PFKP: variants seen among roughly 807,000 people sequenced by gnomAD.
PFKP encodes the protein ATP-dependent 6-phosphofructokinase, platelet type.
PFKP carries 101 observed loss-of-function variants against 94.3 expected under a neutral mutation model. The observed-to-expected ratio is 1.07, with a 90% confidence interval of 0.91 to 1.26. The LOEUF is 1.26. PFKP is among the 50% of genes most tolerant of loss of function. PFKP has a pLI of 0.00. For synonymous variants in PFKP, 573 were observed against 432.6 expected (o/e 1.32, Z -4.03); for missense variants, 1,145 against 1,103.3 (o/e 1.04, Z -0.53).
At chr10:3,130,433 G>C (rs1042455960) in intron 17 of PFKP, among the ~76,000 whole-genome samples, 1 of 152,172 alleles carries the variant, frequency 6.6e-6, no homozygotes, top group East Asian at 1.9e-4. Context: ...TTTTAGGGAA[G>C]GGTGTCGCTG....
At chr10:3,104,843 A>G in intron 5 of PFKP, 2 of 535,632 alleles carry the variant, frequency 3.7e-6, no homozygotes, top group Non-Finnish European at 6.6e-6. Context: ...GTCCTGGCAC[A>G]GGCAGGCAGA....
At chr10:3,106,649 C>A in intron 7 of PFKP, among the ~76,000 whole-genome samples, 1 of 53,470 alleles carries the variant, frequency 1.9e-5, no homozygotes, top group Non-Finnish European at 4.2e-5. Context: ...CTCTCCTCAC[C>A]CCTGCCCCTC....
chr10:3,128,249 C>G (rs1040597182), intron 16 of PFKP, among the ~76,000 whole-genome samples: 2 of 152,174 alleles, frequency 1.3e-5, no homozygotes, highest in African/African-American at 2.4e-5. Context: ...GAATTTGCAG[C>G]CTAGTGAGGA....
At chr10:3,090,401 A>T (rs1833950666) in intron 2 of PFKP, among the ~76,000 whole-genome samples, 1 of 152,194 alleles carries the variant, frequency 6.6e-6, no homozygotes, top group African/African-American at 2.4e-5. Context: ...GACTTGGAAA[A>T]GTCTGAGACT....
At chr10:3,116,738 G>A (rs773154940) in intron 13 of PFKP, 38 bp from the exon 14 acceptor site, 17 of 1,522,538 alleles carry the variant, frequency 1.1e-5, no homozygotes, top group Middle Eastern at 1.7e-4. Context: ...GCCTTTCATT[G>A]TTCACTTTAG....
intron 2 of PFKP, among the ~76,000 whole-genome samples, chr10:3,085,891 G>A (rs919207946): frequency 1.2e-4 from 9 of 76,192 alleles, no homozygotes; most frequent in East Asian, 4.3e-4. Context: ...CAGAAGTGGC[G>A]GTCACCTGCA....
intron 17 of PFKP, among the ~76,000 whole-genome samples, 182 bp from the exon 18 acceptor site, chr10:3,132,198 C>T (rs190974984): frequency 1.1e-4 from 17 of 152,312 alleles, no homozygotes; most frequent in East Asian, 3.9e-4. Flanking sequence ...CAGCGTTCAT[C>T]GCTGCAGACG....
intron 1 of PFKP, among the ~76,000 whole-genome samples, chr10:3,073,827 T>G (rs11251695): frequency 0.2 from 30,753 of 150,930 alleles, 3,295 homozygotes; most frequent in East Asian, 0.31. Context: ...GTGTGTGTGT[T>G]TTTTTTGTTT....
chr10:3,095,837 G>A (rs1834436310), intron 2 of PFKP, among the ~76,000 whole-genome samples: 2 of 152,190 alleles, frequency 1.3e-5, no homozygotes, highest in East Asian at 3.8e-4. Context: ...CTTTTCACAT[G>A]TTCCATGGGC....
intron 2 of PFKP, among the ~76,000 whole-genome samples, chr10:3,093,993 ATTC>A (rs1209969879): frequency 1.3e-5 from 2 of 152,310 alleles, no homozygotes; most frequent in South Asian, 2.1e-4. Context: ...CCCATGCTGA[ATTC>A]TTCATGTATG....
intron 2 of PFKP, among the ~76,000 whole-genome samples, chr10:3,097,597 G>A (rs566810100): frequency 3.3e-5 from 5 of 152,302 alleles, no homozygotes; most frequent in African/African-American, 4.8e-5. Context: ...GGGGGGTCTC[G>A]GGAGGTGCAG....
chr10:3,115,390 C>T (rs1244738337), intron 13 of PFKP, among the ~76,000 whole-genome samples: 1 of 82,614 alleles, frequency 1.2e-5, no homozygotes, highest in African/African-American at 3.4e-5. Flanking sequence ...GAGAACAGGA[C>T]TGGGGATGCC....
chr10:3,105,530 C>A, intron 7 of PFKP, 29 bp downstream of exon 7: 2 of 1,459,154 alleles, frequency 1.4e-6, no homozygotes, highest in Non-Finnish European at 1.9e-6. Context: ...CCGTTGATAG[C>A]GGGCGATGCT....
At chr10:3,124,666 C>T (rs1239377336) in intron 16 of PFKP, among the ~76,000 whole-genome samples, 2 of 152,310 alleles carry the variant, frequency 1.3e-5, no homozygotes, top group East Asian at 1.9e-4. Context: ...TCCTTACAGC[C>T]GTGTGCCCCA....
chr10:3,077,249 C>CTTTTTTTTTTTTTTT (rs35306351), intron 1 of PFKP, among the ~76,000 whole-genome samples: 1 of 108,176 alleles, frequency 9.2e-6, no homozygotes, highest in Non-Finnish European at 1.8e-5. Context: ...CTATTCTTTA[C>CTTTTTTTTTTTTTTT]TTTTTTTTTT....
chr10:3,067,671 G>A lies in PFKP; in HGVS notation c.76G>A (p.Ala26Thr). The A allele has an allele frequency of 6.5e-7, 1 of 1,530,626 alleles. No individual in the cohort carries two copies. The highest frequency in any genetic ancestry group is 1.2e-5 in the South Asian group (1 of 82,700). The allele number at this position is 1,530,626 out of a possible 1,614,324, so 94.8% of individuals were successfully genotyped here. ...GGAGCACCTCTCCGGGGCCGGCAAGGCCATCGGCGTGCTGACCAGCGGCGG... is the reference window on the plus strand; with the variant it reads ...GGAGCACCTCTCCGGGGCCGGCAAGACCATCGGCGTGCTGACCAGCGGCGG... ...FLEHLSGAGK[A>T]IGVLTSGGDA... is the part of the protein sequence containing the mutation. The change falls in exon 1 of 22, where the codon GCC (alanine) becomes ACC (threonine). Residue 26 changes from alanine (A) to threonine (T), a missense_variant. This residue lies in a region of PFKP where 1,119 missense variants were observed against 1,062.8 expected (regional missense o/e 1.05). Transcript: ENST00000381125.
intron 10 of PFKP, among the ~76,000 whole-genome samples, chr10:3,110,365 ATTTTTTTTTTT>A (rs57980780): frequency 3.2e-5 from 3 of 92,580 alleles, no homozygotes; most frequent in East Asian, 3.3e-4. Context: ...CGCCTGGCTA[ATTTTTTTTTTT>A]TTTTTTTTTT....
intron 15 of PFKP, among the ~76,000 whole-genome samples, chr10:3,119,592 G>A (rs1837190583): frequency 8.0e-6 from 1 of 125,216 alleles, no homozygotes; most frequent in African/African-American, 3.0e-5. Context: ...GCCACAAAGC[G>A]AGACTCCGTC....
chr10:3,102,364 G>A (rs1564301014), intron 4 of PFKP, among the ~76,000 whole-genome samples: 2 of 151,724 alleles, frequency 1.3e-5, no homozygotes, highest in African/African-American at 2.4e-5. Context: ...TTAGGAAAGC[G>A]TTTCTGAGAG....
Sources: allele counts gnomAD v4.1 joint callset (sites outside exome capture counted in the v4.1 genomes callset), GRCh38; gene constraint gnomAD v4.1.1; regional missense constraint gnomAD v4.1.1; transcripts MANE v1.5; gene names NCBI Gene and HGNC (gene_info 2026-07-23, HGNC 2026-07-21).